CTIF: variants seen among roughly 807,000 people sequenced by gnomAD.
CTIF encodes cap binding complex dependent translation initiation factor.
A neutral mutation model predicts 66.0 loss-of-function variants in CTIF; 21 were observed. The ratio of observed to expected loss-of-function variants is 0.32; its 90% CI spans 0.23 to 0.46. The LOEUF is 0.46. CTIF is among the 20% of genes least tolerant of loss of function. The probability of loss-of-function intolerance (pLI) is 1.00; values close to 1 mark genes in which losing one functional copy is unlikely to be tolerated. For missense variants in CTIF, 739 were observed against 812.7 expected (o/e 0.91, Z 1.10); for synonymous variants, 345 against 326.4 (o/e 1.06, Z -0.62).
chr18:48,659,878 C>T (rs34411755), intron 3 of CTIF, among the ~76,000 whole-genome samples: 12,847 of 152,226 alleles, frequency 0.084, 594 homozygotes, highest in Middle Eastern at 0.12. Flanking sequence ...GCAGGGATAT[C>T]GCTGGGTTTC....
At chr18:48,717,440 A>G (rs564286766) in intron 7 of CTIF, among the ~76,000 whole-genome samples, 10 of 148,236 alleles carry the variant, frequency 6.7e-5, no homozygotes, top group African/African-American at 1.8e-4. Context: ...TAAATAAATA[A>G]ATAAATAATA....
intron 7 of CTIF, among the ~76,000 whole-genome samples, chr18:48,751,092 A>C (rs1907766828): frequency 6.6e-6 from 1 of 152,156 alleles, no homozygotes; most frequent in Admixed American, 6.5e-5. Flanking sequence ...GCTTACTGTA[A>C]CTGCTTCCTA....
chr18:48,827,957 G>T (rs2068616662), intron 10 of CTIF, among the ~76,000 whole-genome samples: 1 of 151,882 alleles, frequency 6.6e-6, no homozygotes, highest in African/African-American at 2.4e-5. Flanking sequence ...AAGCTGCCTG[G>T]ATCCTTGACC....
In CTIF at chr18:48,861,929, T is replaced by G. The variant is rs1215635468; in HGVS notation, c.*2370T>G. 1.3e-5 allele frequency: 2 copies of G among 152,198 alleles called. No individual in the cohort carries two copies. The highest frequency in any genetic ancestry group is 4.8e-5 in the African/African-American group (2 of 41,446). The allele number at this position is 152,198 out of a possible 1,614,324, so 9.4% of individuals were successfully genotyped here. A position where few individuals can be genotyped will look rare whatever the true frequency, so the allele number is the denominator to read the frequency against. ...TCACGGTGGCTCCAGACATACTGTT[T>G]GCCTAGTTTATTCCACTGCTTGAAA... On this transcript the variant is annotated 3_prime_UTR_variant, in exon 12 of 12. Coordinates refer to ENST00000256413, the MANE Select transcript of CTIF (RefSeq NM_014772.3).
chr18:48,805,329 G>A (rs754824056), intron 9 of CTIF, among the ~76,000 whole-genome samples: 4 of 152,052 alleles, frequency 2.6e-5, no homozygotes, highest in Non-Finnish European at 5.9e-5. Flanking sequence ...CCAAGGCCAG[G>A]TCTAGCCATG....
rs774058443 is a variant in CTIF, at chr18:48,663,752, A to G, written c.253A>G (p.Asn85Asp). The G allele has an allele frequency of 6.2e-7, 1 of 1,613,918 alleles. No homozygotes were observed. Among genetic ancestry groups the G allele is most frequent in the Non-Finnish European group, 8.5e-7 (1 of 1,179,914 alleles). ...GCCCTTTCACCCCCATCTCTTCCAGAATGGCAGCAAAGACAACTCTCTGGA... is the reference window on the plus strand; with the variant it reads ...GCCCTTTCACCCCCATCTCTTCCAGGATGGCAGCAAAGACAACTCTCTGGA... The part of the protein sequence containing the change: ...FSRGRAPPQQ[N>D]GSKDNSLDML... Residue 85 changes from asparagine to aspartate, a missense_variant and splice_region_variant, in exon 4 of 12, where the codon AAT becomes GAT. Physicochemically the swap from Asn to Asp is conservative, Grantham distance 23. Coordinates refer to ENST00000256413, the MANE Select transcript of CTIF (RefSeq NM_014772.3).
At chr18:48,579,645 C>G (rs1038170770) in intron 1 of CTIF, among the ~76,000 whole-genome samples, 2 of 152,180 alleles carry the variant, frequency 1.3e-5, no homozygotes, top group African/African-American at 2.4e-5. Context: ...CCCTGCTGCT[C>G]TAGGAAGGCC....
chr18:48,834,184 A>G (rs1046973745), intron 10 of CTIF, among the ~76,000 whole-genome samples: 3 of 152,176 alleles, frequency 2.0e-5, no homozygotes, highest in African/African-American at 7.2e-5. Context: ...TGCGAGGTGT[A>G]GGGCGTGAGC....
intron 1 of CTIF, among the ~76,000 whole-genome samples, chr18:48,561,044 G>A (rs1217526340): frequency 6.6e-6 from 1 of 152,078 alleles, no homozygotes; most frequent in Non-Finnish European, 1.5e-5. Context: ...TTCGAGACCA[G>A]CCTGGCCAAC....
At chr18:48,648,085 G>A (rs913685655) in intron 3 of CTIF, among the ~76,000 whole-genome samples, 2 of 152,140 alleles carry the variant, frequency 1.3e-5, no homozygotes, top group East Asian at 1.9e-4. Context: ...ATGGCCTCTG[G>A]TGTGGCCCTG....
At chr18:48,730,712 C>CTGTGTGAGGGGCTTCT (rs1468736114) in intron 7 of CTIF, among the ~76,000 whole-genome samples, 1 of 71,174 alleles carries the variant, frequency 1.4e-5, no homozygotes, top group Non-Finnish European at 2.7e-5. Context: ...GAGGGGCTTC[C>CTGTGTGAGGGGCTTCT]GCGGTGTGAG....
intron 1 of CTIF, among the ~76,000 whole-genome samples, chr18:48,613,091 C>T (rs1258394106): frequency 2.0e-5 from 3 of 152,146 alleles, no homozygotes; most frequent in African/African-American, 7.2e-5. Flanking sequence ...TCACTGAACT[C>T]ATCCCTGAGG....
intron 2 of CTIF, among the ~76,000 whole-genome samples, chr18:48,629,439 C>T (rs1357617935): frequency 6.6e-6 from 1 of 152,054 alleles, no homozygotes; most frequent in African/African-American, 2.4e-5. Context: ...ATAATTTATA[C>T]ATATAATTGT....
intron 6 of CTIF, among the ~76,000 whole-genome samples, chr18:48,699,145 G>T (rs60148580): frequency 6.6e-6 from 1 of 151,192 alleles, no homozygotes; most frequent in Non-Finnish European, 1.5e-5. Context: ...GCCTCCTGGT[G>T]CCCGACGGCC....
At chr18:48,606,480 A>T (rs1373477723) in intron 1 of CTIF, among the ~76,000 whole-genome samples, 1 of 152,166 alleles carries the variant, frequency 6.6e-6, no homozygotes, top group Non-Finnish European at 1.5e-5. Flanking sequence ...GACTGGCAGG[A>T]AGGACAATGC....
intron 9 of CTIF, among the ~76,000 whole-genome samples, chr18:48,807,446 T>C (rs1411776991): frequency 6.6e-6 from 1 of 152,148 alleles, no homozygotes; most frequent in African/African-American, 2.4e-5. Flanking sequence ...TTCTCCTCTT[T>C]CTTTTTAAAA....
chr18:48,757,819 A>G, intron 7 of CTIF, 100 bp from the exon 8 acceptor site: 1 of 1,442,082 alleles, frequency 6.9e-7, no homozygotes, highest in Non-Finnish European at 9.3e-7. Context: ...GAATGAATAT[A>G]TGGACAAGGC....
chr18:48,724,601 G>A (rs1330593167), intron 7 of CTIF, among the ~76,000 whole-genome samples: 1 of 152,132 alleles, frequency 6.6e-6, no homozygotes, highest in Non-Finnish European at 1.5e-5. Context: ...ATCCTCCCTT[G>A]ATCCTCTTCC....
Position 48,568,633 on chromosome 18 carries a change from T to TAAAAAAAAAAAAAAA in CTIF, c.-29+29342_-29+29356dup, listed in dbSNP as rs58084631. The stretch of plus-strand genomic sequence containing the variant: ...GAAATACCTGAGACTGGGCAATTTG[T>TAAAAAAAAAAAAAAA]AAAAAAAAAAAAAAAAAAAAAAAAA... On this transcript the variant is annotated intron_variant, in intron 1 of 11. Coordinates refer to ENST00000256413, the MANE Select transcript of CTIF (RefSeq NM_014772.3). Among the ~76,000 whole-genome samples the TAAAAAAAAAAAAAAA allele has an allele frequency of 5.7e-3, 210 of 36,626 alleles. 44 individuals carry two copies. The highest frequency in any genetic ancestry group is 0.062 in the Middle Eastern group (1 of 16). The allele number at this position is 36,626 out of a possible 152,430, so 24.0% of individuals were successfully genotyped here.
Sources: gnomAD v4.1 joint callset for allele counts (sites outside exome capture counted in the v4.1 genomes callset) on GRCh38, gnomAD v4.1.1 for gene constraint, MANE v1.5 for transcripts, NCBI Gene and HGNC (gene_info 2026-07-23, HGNC 2026-07-21) for gene names.